The following RMST variants were observed in gnomAD, a reference collection of about 807,000 sequenced individuals.
RMST encodes the protein rhabdomyosarcoma 2 associated transcript, also known as long intergenic non-protein coding RNA 54.
intron 5 of RMST, among the ~76,000 whole-genome samples, chr12:97,470,049 C>A (rs1476341924): frequency 3.3e-5 from 5 of 152,064 alleles, no homozygotes. Context: ...TTTCTCTGTT[C>A]ATTCCTGCAC....
At chr12:97,474,920 C>T (rs546265833) in intron 5 of RMST, among the ~76,000 whole-genome samples, 2 of 152,254 alleles carry the variant, frequency 1.3e-5, no homozygotes, top group South Asian at 4.1e-4. Flanking sequence ...TGGTACATCT[C>T]CAGTGTACTC....
chr12:97,533,678 A>G (rs1028915052), intron 11 of RMST: 10 of 151,878 alleles, frequency 6.6e-5, no homozygotes, highest in African/African-American at 2.4e-4. Context: ...GAATATTTTT[A>G]GTCTTAGGTC....
At chr12:97,529,325 C>G (rs1881418392) in intron 10 of RMST, among the ~76,000 whole-genome samples, 1 of 151,922 alleles carries the variant, frequency 6.6e-6, no homozygotes, top group South Asian at 2.1e-4. Flanking sequence ...CAGGAGTGTT[C>G]TCATGTAAAA....
intron 11 of RMST, among the ~76,000 whole-genome samples, chr12:97,555,287 C>A (rs1471088977): frequency 6.6e-6 from 1 of 152,064 alleles, no homozygotes; most frequent in Non-Finnish European, 1.5e-5. Flanking sequence ...ATATTGATAC[C>A]TTTCATTTAA....
intron 11 of RMST, among the ~76,000 whole-genome samples, chr12:97,536,760 TA>T (rs1012567949): frequency 6.6e-6 from 1 of 151,460 alleles, no homozygotes; most frequent in Non-Finnish European, 1.5e-5. Flanking sequence ...TATACACAAA[TA>T]ATCTCCATCC....
chr12:97,532,609 G>GAA (rs1881738673), intron 11 of RMST: 1 of 143,610 alleles, frequency 7.0e-6, no homozygotes, highest in African/African-American at 2.6e-5. Context: ...GTGAGGATTA[G>GAA]AAAGTGCCCA....
chr12:97,490,396 T>A (rs1876652367), intron 5 of RMST, among the ~76,000 whole-genome samples: 1 of 152,222 alleles, frequency 6.6e-6, no homozygotes, highest in Admixed American at 6.5e-5. Flanking sequence ...ATTTACTAAC[T>A]ATGGGATCCA....
At position 97,500,424 on chromosome 12, in the gene RMST, G is replaced by A. The variant is rs1341584274; in HGVS notation, n.1340+4368G>A. ...TCTACACAAATGAGGGATGATATAA[G>A]TTAATATTTATCAAGAACCTACTGT... On this transcript the variant is annotated intron_variant and non_coding_transcript_variant, in intron 10 of 13. Transcript: ENST00000640149. Among the ~76,000 whole-genome samples the A allele has an allele frequency of 2.0e-5, 3 of 152,284 alleles. No individual in the cohort carries two copies. The South Asian group carries it at 6.2e-4, about 32-fold the overall frequency.
At chr12:97,481,907 C>T (rs1376591323) in intron 5 of RMST, among the ~76,000 whole-genome samples, 2 of 152,180 alleles carry the variant, frequency 1.3e-5, no homozygotes, top group Non-Finnish European at 2.9e-5. Context: ...ACATCCATCT[C>T]GAAACTTCAG....
chr12:97,516,983 T>C (rs1357466451), intron 10 of RMST, among the ~76,000 whole-genome samples: 2 of 152,006 alleles, frequency 1.3e-5, no homozygotes, highest in Non-Finnish European at 2.9e-5. Flanking sequence ...ATGAAAGGTA[T>C]CTAATGAATG....
intron 11 of RMST, among the ~76,000 whole-genome samples, chr12:97,538,697 T>C (rs2136614333): frequency 6.6e-6 from 1 of 151,512 alleles, no homozygotes; most frequent in South Asian, 2.1e-4. Context: ...TGAACATAAT[T>C]ATAGTTTGGC....
chr12:97,467,990 C>T (rs1873398072), intron 5 of RMST, among the ~76,000 whole-genome samples: 1 of 151,910 alleles, frequency 6.6e-6, no homozygotes, highest in South Asian at 2.1e-4. Flanking sequence ...GGTTTATTTT[C>T]CACAAAACAG....
chr12:97,481,843 T>C (rs914497744), intron 5 of RMST, among the ~76,000 whole-genome samples: 1 of 152,226 alleles, frequency 6.6e-6, no homozygotes, highest in Non-Finnish European at 1.5e-5. Context: ...TTTCCAAGAC[T>C]GGCTAAATAA....
At chr12:97,508,451 T>C (rs887782107) in intron 10 of RMST, among the ~76,000 whole-genome samples, 3 of 152,078 alleles carry the variant, frequency 2.0e-5, no homozygotes, top group Non-Finnish European at 4.4e-5. Flanking sequence ...CCTCCTGGGG[T>C]CCTTTATTCT....
intron 10 of RMST, among the ~76,000 whole-genome samples, chr12:97,518,507 C>A (rs1370184588): frequency 6.6e-6 from 1 of 152,072 alleles, no homozygotes; most frequent in Non-Finnish European, 1.5e-5. Context: ...TAATTTGTGA[C>A]CTTGTTCAAA....
chr12:97,515,728 T>C (rs1879856569), intron 10 of RMST, among the ~76,000 whole-genome samples: 2 of 152,248 alleles, frequency 1.3e-5, no homozygotes, highest in Middle Eastern at 3.4e-3. Context: ...AATTTTTACA[T>C]TGTTATAGGG....
intron 5 of RMST, among the ~76,000 whole-genome samples, chr12:97,471,990 A>G (rs1208317262): frequency 6.6e-6 from 1 of 152,118 alleles, no homozygotes; most frequent in Non-Finnish European, 1.5e-5. Flanking sequence ...GAGATATTTT[A>G]TGCCAAATTC....
At chr12:97,489,316 G>A (rs192723836) in intron 5 of RMST, among the ~76,000 whole-genome samples, 22 of 152,032 alleles carry the variant, frequency 1.4e-4, no homozygotes, top group Admixed American at 1.3e-3. Flanking sequence ...GCATGGTGTC[G>A]TGCACCTGTA....
intron 10 of RMST, among the ~76,000 whole-genome samples, chr12:97,504,403 C>CAAAA (rs5800313): frequency 3.5e-5 from 2 of 56,566 alleles, no homozygotes; most frequent in African/African-American, 5.6e-5. Flanking sequence ...GACTTCATTT[C>CAAAA]AAAAAAAAAA....
Sources: gnomAD v4.1 joint callset for allele counts (sites outside exome capture counted in the v4.1 genomes callset) on GRCh38, gnomAD v4.1.1 for gene constraint, MANE v1.5 for transcripts, NCBI Gene and HGNC (gene_info 2026-07-23, HGNC 2026-07-21) for gene names.